The following CLCN3 variants were observed in gnomAD, a reference collection of about 807,000 sequenced individuals.
CLCN3 encodes H(+)/Cl(-) exchange transporter 3.
CLCN3 carries 16 observed loss-of-function variants against 83.4 expected under a neutral mutation model. The observed-to-expected ratio is 0.19, with a 90% CI of 0.13 to 0.29. The LOEUF is 0.29. Ranked by LOEUF, CLCN3 falls within the 10% of genes least tolerant of loss-of-function variation. The pLI is 1.00. For synonymous variants in CLCN3, 322 were observed against 346.2 expected (o/e 0.93, Z 0.78); for missense variants, 544 against 1,006.0 (o/e 0.54, Z 6.21).
rs755949930 is a variant in CLCN3 at position 169,703,984 on chromosome 4, T to C, written c.1564-14T>C. Reference sequence around the variant, plus strand: ...AGGATCTCTGCTCCATAAAGAGTTCTGTTGTTGTTATAGGTTCCATCAGGC... The same window carrying C: ...AGGATCTCTGCTCCATAAAGAGTTCCGTTGTTGTTATAGGTTCCATCAGGC... On this transcript the variant is annotated splice_polypyrimidine_tract_variant and intron_variant, in intron 9 of 12. Transcript: ENST00000513761. The C allele has an allele frequency of 3.7e-6, 6 of 1,613,434 alleles. No homozygotes were observed. The highest frequency in any genetic ancestry group is 5.1e-6 in the Non-Finnish European group (6 of 1,179,434).
intron 1 of CLCN3, among the ~76,000 whole-genome samples, chr4:169,631,608 A>G (rs1560826614): frequency 6.6e-6 from 1 of 152,060 alleles, no homozygotes. Context: ...ACTTTTTAAT[A>G]ATGTTGTTTT....
intron 6 of CLCN3, among the ~76,000 whole-genome samples, chr4:169,690,887 A>T (rs1732342589): frequency 6.6e-6 from 1 of 152,140 alleles, no homozygotes; most frequent in African/African-American, 2.4e-5. Context: ...CACTAATTTA[A>T]CACATGACTA....
chr4:169,716,369 A>G (rs1461089787), intron 12 of CLCN3, among the ~76,000 whole-genome samples: 1 of 152,180 alleles, frequency 6.6e-6, no homozygotes, highest in African/African-American at 2.4e-5. Context: ...GAGTTTACCA[A>G]TATAGATGAT....
intron 1 of CLCN3, among the ~76,000 whole-genome samples, chr4:169,626,182 A>G (rs1316660926): frequency 2.6e-5 from 4 of 152,250 alleles, no homozygotes; most frequent in Non-Finnish European, 5.9e-5. Flanking sequence ...CAGAACTCAG[A>G]GAAACACTTA....
rs527323105 is a variant in CLCN3 at position 169,672,102 on chromosome 4, C to T, written c.161-7948C>T. Among the ~76,000 whole-genome samples, 37 of 152,080 alleles carry T rather than the reference C, an allele frequency of 2.4e-4. 1 individual carries two copies. The East Asian group carries it at 7.2e-3, about 29-fold the overall frequency. ...TGGTGGGCGCCTGTAGTCCCAGCTA[C>T]TCGGGAGGCTGAGGCAGGAGAATGG... On this transcript the variant is annotated intron_variant, in intron 2 of 12. Transcript: ENST00000513761.
chr4:169,663,289 C>T (rs1001022536), intron 2 of CLCN3, among the ~76,000 whole-genome samples: 24 of 142,434 alleles, frequency 1.7e-4, no homozygotes, highest in African/African-American at 6.3e-4. Context: ...TTCCTGTTAG[C>T]TGGATACTGT....
chr4:169,706,976 T>C lies in CLCN3; in HGVS notation c.1859T>C (p.Val620Ala). 6.2e-7 allele frequency: 1 copy of C among 1,614,132 alleles called. No individual in the cohort carries two copies. The highest frequency in any genetic ancestry group is 8.5e-7 in the Non-Finnish European group (1 of 1,180,016). ...LMAAVMTSKWVGDAFGREGIY... is the reference protein window; with the variant it reads ...LMAAVMTSKWAGDAFGREGIY... ...GCTGCAGTCATGACCAGTAAATGGGTTGGAGATGCCTTTGGCAGGGAAGGC... is the reference window on the plus strand; with the variant it reads ...GCTGCAGTCATGACCAGTAAATGGGCTGGAGATGCCTTTGGCAGGGAAGGC... Residue 620 changes from valine to alanine, a missense_variant, in exon 11 of 13, where the codon GTT (valine) becomes GCT (alanine). Physicochemically the swap from Val to Ala is moderately conservative, Grantham distance 64. This residue lies in a region of CLCN3 where 27 missense variants were observed against 100.2 expected (regional missense o/e 0.27). Transcript: ENST00000513761.
intron 12 of CLCN3, among the ~76,000 whole-genome samples, chr4:169,717,341 C>T (rs1205726150): frequency 6.6e-6 from 1 of 152,054 alleles, no homozygotes; most frequent in Non-Finnish European, 1.5e-5. Flanking sequence ...TCCTCACAGC[C>T]TTTTGCTACC....
rs375629859 is a variant in CLCN3, at chr4:169,643,476, C to T, written c.160+7388C>T. On this transcript the variant is annotated intron_variant, in intron 2 of 12. Coordinates refer to ENST00000513761, the MANE Select transcript of CLCN3 (RefSeq NM_001829.4). ...AACTCCTGACCTCAGGTTATCCACC[C>T]GCCTCGGCCTCCCAAAGTGTTAGGA... Among the ~76,000 whole-genome samples, 14 of 152,198 alleles carry T rather than the reference C, an allele frequency of 9.2e-5. No individual in the cohort carries two copies. The East Asian group carries it at 1.9e-3, about 21-fold the overall frequency.
intron 2 of CLCN3, among the ~76,000 whole-genome samples, chr4:169,659,449 TATGAG>T (rs1169250201): frequency 6.6e-6 from 1 of 152,010 alleles, no homozygotes. Context: ...ACAAAACCCT[TATGAG>T]ATAAAATAGG....
At chr4:169,690,448 T>G in intron 5 of CLCN3, 82 bp from the exon 6 acceptor site, 1 of 1,432,640 alleles carries the variant, frequency 7.0e-7, no homozygotes, top group African/African-American at 1.4e-5. Context: ...CCTGGCCGTT[T>G]ACTGAAGTTT....
At chr4:169,690,137 C>CTTTTTTT (rs397769904) in intron 5 of CLCN3, among the ~76,000 whole-genome samples, 20 of 110,458 alleles carry the variant, frequency 1.8e-4, no homozygotes, top group African/African-American at 3.2e-4. Context: ...TCTTTTCTTT[C>CTTTTTTT]TTTTTTTTTT....
In CLCN3 at chr4:169,722,018, C is replaced by T. The variant is rs1733654332; in HGVS notation, c.*2021C>T. 6.6e-6 allele frequency: 1 copy of T among 152,150 alleles called. No homozygotes were observed. Among genetic ancestry groups the T allele is most frequent in the South Asian group, 2.1e-4 (1 of 4,824 alleles). The allele number at this position is 152,150 out of a possible 1,614,324, so 9.4% of individuals were successfully genotyped here. A position where few individuals can be genotyped will look rare whatever the true frequency, so the allele number is the denominator to read the frequency against. On this transcript the variant is annotated 3_prime_UTR_variant, in exon 13 of 13. Transcript: ENST00000513761. ...ATTTTTAGTAGAGATGGGGTTTTGCCATGCTGCCCAGGCTGGTCTCAACTC... is the reference window on the plus strand; with the variant it reads ...ATTTTTAGTAGAGATGGGGTTTTGCTATGCTGCCCAGGCTGGTCTCAACTC...
At chr4:169,657,889 A>C (rs540423131) in intron 2 of CLCN3, among the ~76,000 whole-genome samples, 1 of 152,264 alleles carries the variant, frequency 6.6e-6, no homozygotes, top group South Asian at 2.1e-4. Context: ...GGTAATAAAA[A>C]GTCTCTATCA....
intron 3 of CLCN3, among the ~76,000 whole-genome samples, chr4:169,687,198 G>T (rs568008252): frequency 7.8e-4 from 118 of 152,230 alleles, no homozygotes; most frequent in Non-Finnish European, 1.5e-3. Context: ...ACCAATTGAG[G>T]TTCAAATTTG....
intron 11 of CLCN3, among the ~76,000 whole-genome samples, chr4:169,709,944 A>C (rs1368265294): frequency 1.4e-5 from 2 of 143,714 alleles, no homozygotes; most frequent in Admixed American, 1.4e-4. Flanking sequence ...ACCAAAAAAA[A>C]AAAATTGTCT....
At chr4:169,655,133 T>C (rs187269462) in intron 2 of CLCN3, among the ~76,000 whole-genome samples, 129 of 152,314 alleles carry the variant, frequency 8.5e-4, no homozygotes, top group African/African-American at 3.1e-3. Context: ...TAACTCCCAA[T>C]ATTCTTTGGA....
intron 2 of CLCN3, among the ~76,000 whole-genome samples, chr4:169,661,427 AAT>A (rs1181160000): frequency 6.6e-6 from 1 of 152,170 alleles, no homozygotes; most frequent in African/African-American, 2.4e-5. Flanking sequence ...CTTTATTTAA[AAT>A]ATACTTTGTG....
rs549060625 is a variant in CLCN3 at position 169,686,609 on chromosome 4, G to T, written c.319-1049G>T. 2.6e-5 allele frequency among the ~76,000 whole-genome samples: 4 copies of T among 152,194 alleles called. No homozygotes were observed. In the East Asian group the frequency reaches 7.7e-4, roughly 29 times the overall value. On this transcript the variant is annotated intron_variant, in intron 3 of 12. Coordinates refer to ENST00000513761, the MANE Select transcript of CLCN3 (RefSeq NM_001829.4). Reference sequence around the variant, plus strand: ...TTTCTGTATTTTTAGTAGAGAAGGGGTTTCACTGTGTTGGCCAGACTGGTC... The same window carrying T: ...TTTCTGTATTTTTAGTAGAGAAGGGTTTTCACTGTGTTGGCCAGACTGGTC...
Sources: gnomAD v4.1 joint callset for allele counts (sites outside exome capture counted in the v4.1 genomes callset) on GRCh38, gnomAD v4.1.1 for gene constraint, gnomAD v4.1.1 regional missense constraint, MANE v1.5 for transcripts, NCBI Gene and HGNC (gene_info 2026-07-23, HGNC 2026-07-21) for gene names.